USH2A: variants seen among roughly 807,000 people sequenced by gnomAD.
USH2A encodes usherin, also known as Usher syndrome 2A (autosomal recessive, mild).
In USH2A, 443 loss-of-function variants were observed where a neutral mutation model predicts 538.9. The observed-to-expected ratio is 0.82, with a 90% CI of 0.76 to 0.89. USH2A has a LOEUF of 0.89. USH2A is among the 40% of genes least tolerant of loss of function. The pLI is 0.00. For missense variants in USH2A, 6,633 were observed against 6,324.8 expected, an observed-to-expected ratio of 1.05 and a Z score of -1.65; for synonymous variants, 2,413 against 2,273.5, an observed-to-expected ratio of 1.06 and a Z score of -1.75.
intron 20 of USH2A, among the ~76,000 whole-genome samples, 199 bp downstream of exon 20, chr1:216,190,024 C>T (rs1417112979): frequency 2.0e-5 from 3 of 151,858 alleles, no homozygotes; most frequent in Non-Finnish European, 4.4e-5. Context: ...TATGACACAG[C>T]TGTAACTCGT....
chr1:215,827,136 CTT>C (rs1175176657), intron 47 of USH2A, among the ~76,000 whole-genome samples: 1 of 152,108 alleles, frequency 6.6e-6, no homozygotes, highest in Non-Finnish European at 1.5e-5. Flanking sequence ...GGCCAGAGAT[CTT>C]TGAGACATCA....
chr1:215,842,211 T>G (rs566965221), intron 46 of USH2A, among the ~76,000 whole-genome samples: 1 of 152,156 alleles, frequency 6.6e-6, no homozygotes, highest in Non-Finnish European at 1.5e-5. Context: ...CACCTGGAGC[T>G]CAACATAACT....
intron 49 of USH2A, among the ~76,000 whole-genome samples, chr1:215,811,285 G>A (rs1662668145): frequency 2.0e-5 from 3 of 152,146 alleles, no homozygotes; most frequent in Non-Finnish European, 2.9e-5. Context: ...AAGGAACTAC[G>A]GCTTAGGTGT....
At chr1:216,270,328 G>A (rs544755020) in intron 11 of USH2A, among the ~76,000 whole-genome samples, 1 of 152,246 alleles carries the variant, frequency 6.6e-6, no homozygotes, top group South Asian at 2.1e-4. Context: ...CGGAAATTGA[G>A]TGTTAGTTTA....
Position 216,029,132 on chromosome 1 carries a change from G to A in USH2A, c.6325+17299C>T, listed in dbSNP as rs773566839. On this transcript the variant is annotated intron_variant, in intron 32 of 71. Coordinates refer to ENST00000307340, the MANE Select transcript of USH2A (RefSeq NM_206933.4). ...ATGCATTAATATATATTCATGGTACGATAGCCAAAATGTACAGAAGACCTT... is the reference window on the plus strand; with the variant it reads ...ATGCATTAATATATATTCATGGTACAATAGCCAAAATGTACAGAAGACCTT... Among the ~76,000 whole-genome samples, 15 of 151,768 alleles carry A rather than the reference G, an allele frequency of 9.9e-5. 1 individual carries two copies. The highest frequency in any genetic ancestry group is 2.6e-4 in the Admixed American group (4 of 15,228).
At chr1:216,174,438 C>A (rs534679016) in intron 21 of USH2A, 24 of 985,016 alleles carry the variant, frequency 2.4e-5, no homozygotes, top group Admixed American at 6.2e-5. Flanking sequence ...CAAAATATTG[C>A]GGTACTAGTA....
chr1:215,913,738 GT>G lies in USH2A; in HGVS notation c.7301-12834del, dbSNP rs150393068. ...ATCTTATTGATATACTTTGATTCGAGTTTTTTTTTTCCATAAAAGTTGAGTG... is the reference window on the plus strand; with the variant it reads ...ATCTTATTGATATACTTTGATTCGAGTTTTTTTTTCCATAAAAGTTGAGTG... On this transcript the variant is annotated intron_variant, in intron 38 of 71. Transcript: ENST00000307340. Among the ~76,000 whole-genome samples the G allele has an allele frequency of 9.5e-3, 1,412 of 149,278 alleles. 16 individuals carry two copies. The highest frequency in any genetic ancestry group is 0.032 in the African/African-American group (1,321 of 40,780).
chr1:215,901,467 G>T (rs184829823), intron 38 of USH2A: 4 of 162,598 alleles, frequency 2.5e-5, no homozygotes, highest in Admixed American at 5.8e-5. Context: ...CAGCCTTAAT[G>T]CTCACCCATG....
intron 12 of USH2A, among the ~76,000 whole-genome samples, chr1:216,249,258 T>C (rs149123948): frequency 7.6e-4 from 116 of 152,230 alleles, no homozygotes; most frequent in African/African-American, 2.7e-3. Flanking sequence ...TATATATTTA[T>C]GTTTCCTGCA....
At chr1:216,281,259 T>TA (rs2036770135) in intron 11 of USH2A, among the ~76,000 whole-genome samples, 1 of 152,176 alleles carries the variant, frequency 6.6e-6, no homozygotes, top group Non-Finnish European at 1.5e-5. Context: ...TTCCTATTCT[T>TA]ATGTGTAATT....
At chr1:215,752,911 T>C (rs909115353) in intron 58 of USH2A, among the ~76,000 whole-genome samples, 4 of 152,138 alleles carry the variant, frequency 2.6e-5, no homozygotes, top group Non-Finnish European at 4.4e-5. Context: ...ATTCTACTCA[T>C]CTGACAAAGG....
At chr1:216,194,522 A>C (rs192198969) in intron 19 of USH2A, among the ~76,000 whole-genome samples, 30 of 152,132 alleles carry the variant, frequency 2.0e-4, no homozygotes, top group African/African-American at 6.8e-4. Context: ...CATCATATTA[A>C]ATGAATCAGA....
At chr1:215,688,587 G>A (rs563852019) in intron 61 of USH2A, among the ~76,000 whole-genome samples, 1 of 152,092 alleles carries the variant, frequency 6.6e-6, no homozygotes, top group Non-Finnish European at 1.5e-5. Flanking sequence ...AGAAGTCTAA[G>A]ATCAAGGTGT....
chr1:215,732,860 T>C (rs1187507538), intron 60 of USH2A, among the ~76,000 whole-genome samples: 1 of 152,056 alleles, frequency 6.6e-6, no homozygotes, highest in Admixed American at 6.6e-5. Flanking sequence ...TTCTATAGAC[T>C]AACTACAACT....
intron 21 of USH2A, among the ~76,000 whole-genome samples, chr1:216,115,567 A>T (rs2032987620): frequency 6.6e-6 from 1 of 152,194 alleles, no homozygotes; most frequent in Non-Finnish European, 1.5e-5. Flanking sequence ...ATAAAAATAT[A>T]CTTGAGTTTA....
intron 55 of USH2A, among the ~76,000 whole-genome samples, chr1:215,777,878 C>A (rs377327595): frequency 1.3e-5 from 2 of 152,120 alleles, no homozygotes; most frequent in East Asian, 3.9e-4. Flanking sequence ...TGATGAGAGT[C>A]AGAGAAGTCA....
intron 64 of USH2A, among the ~76,000 whole-genome samples, chr1:215,667,479 A>G (rs2102658195): frequency 6.6e-6 from 1 of 152,250 alleles, no homozygotes; most frequent in Middle Eastern, 3.4e-3. Context: ...TGGGTGGATC[A>G]CGAAGTTAGG....
chr1:216,176,858 C>A (rs1305939147), intron 20 of USH2A, among the ~76,000 whole-genome samples: 1 of 152,142 alleles, frequency 6.6e-6, no homozygotes, highest in East Asian at 1.9e-4. Flanking sequence ...TCCTTCATGT[C>A]TTTTCATCAT....
intron 9 of USH2A, among the ~76,000 whole-genome samples, chr1:216,306,020 G>A (rs1467887401): frequency 6.6e-6 from 1 of 152,106 alleles, no homozygotes; most frequent in African/African-American, 2.4e-5. Flanking sequence ...GAATTTCCCA[G>A]GTGTTCTTTC....
Sources: gnomAD v4.1 joint callset for allele counts (sites outside exome capture counted in the v4.1 genomes callset) on GRCh38, gnomAD v4.1.1 for gene constraint, MANE v1.5 for transcripts, NCBI Gene and HGNC (gene_info 2026-07-23, HGNC 2026-07-21) for gene names.